AREL1: variants seen among roughly 807,000 people sequenced by gnomAD.
AREL1 encodes apoptosis resistant E3 ubiquitin protein ligase 1, also known as apoptosis-resistant E3 ubiquitin protein ligase 1.
Under a neutral mutation model 99.0 loss-of-function variants are expected in AREL1, and 62 were observed. That is an observed-to-expected ratio of 0.63 (90% CI 0.51 to 0.77). AREL1 has a LOEUF of 0.77. AREL1 is among the 30% of genes least tolerant of loss of function. The pLI, the probability that AREL1 is intolerant of heterozygous loss-of-function variation, is 0.00. For missense variants in AREL1, 879 were observed against 1,027.6 expected (o/e 0.86, Z 1.98); for synonymous variants, 380 against 376.5 (o/e 1.01, Z -0.11).
chr14:74,671,349 G>C, intron 12 of AREL1, 59 bp downstream of exon 12: 1 of 233,804 alleles, frequency 4.3e-6, no homozygotes, highest in Non-Finnish European at 8.6e-6. Context: ...TTTTTTTGTG[G>C]AGAAGGTGCG....
chr14:74,676,444 C>T (rs1271532234), intron 6 of AREL1, 123 bp from the exon 7 acceptor site: 12 of 1,407,474 alleles, frequency 8.5e-6, no homozygotes, highest in Admixed American at 6.4e-5. Flanking sequence ...ACTAATGAGA[C>T]AGGTATTGTC....
intron 2 of AREL1, among the ~76,000 whole-genome samples, chr14:74,686,832 A>G (rs1227927702): frequency 6.6e-6 from 1 of 152,214 alleles, no homozygotes; most frequent in African/African-American, 2.4e-5. Context: ...AGAAATCCAC[A>G]CTGGGAACAT....
At chr14:74,665,265 C>T (rs957557801) in intron 17 of AREL1, among the ~76,000 whole-genome samples, 2 of 148,068 alleles carry the variant, frequency 1.4e-5, no homozygotes, top group Non-Finnish European at 1.5e-5. Context: ...GTATTTCTTT[C>T]TTTTCTTTTT....
chr14:74,667,281 C>T, intron 17 of AREL1, 38 bp downstream of exon 17: 1 of 1,613,124 alleles, frequency 6.2e-7, no homozygotes, highest in African/African-American at 1.3e-5. Flanking sequence ...TACAAAAATG[C>T]CAAGTTAAGA....
chr14:74,677,706 T>C (rs868178582), intron 5 of AREL1, among the ~76,000 whole-genome samples: 8 of 151,640 alleles, frequency 5.3e-5, no homozygotes, highest in Admixed American at 2.0e-4. Context: ...TTTCACCATA[T>C]TGGCCAGGCT....
intron 2 of AREL1, among the ~76,000 whole-genome samples, chr14:74,688,128 C>T (rs1457202591): frequency 6.6e-6 from 1 of 150,888 alleles, no homozygotes; most frequent in Non-Finnish European, 1.5e-5. Context: ...CGGGTTCGCG[C>T]CATTCTCCTG....
intron 1 of AREL1, 146 bp downstream of exon 1, chr14:74,712,787 C>A: frequency 2.8e-6 from 1 of 360,728 alleles, no homozygotes; most frequent in Non-Finnish European, 5.4e-6. Flanking sequence ...GATACCCCAA[C>A]GCTACAGGGT....
At chr14:74,691,441 A>G (rs1188008389) in intron 2 of AREL1, among the ~76,000 whole-genome samples, 1 of 152,004 alleles carries the variant, frequency 6.6e-6, no homozygotes, top group Non-Finnish European at 1.5e-5. Context: ...TATTTGGGGA[A>G]AAAAAGATTT....
intron 2 of AREL1, among the ~76,000 whole-genome samples, chr14:74,689,368 C>T (rs2089819838): frequency 1.3e-5 from 2 of 151,992 alleles, no homozygotes; most frequent in South Asian, 2.1e-4. Flanking sequence ...CTTTTACATA[C>T]AGCTCTGAAA....
chr14:74,661,385 G>A lies in AREL1; in HGVS notation c.*2335C>T, dbSNP rs1458152510. ...TCTGCCAATTTTCCAGAAACATGCT[G>A]ACACTCTCCTAGGTATTCACTCATG... On this transcript the variant is annotated 3_prime_UTR_variant, in exon 20 of 20. Coordinates refer to ENST00000356357, the MANE Select transcript of AREL1 (RefSeq NM_001039479.2). 6.6e-6 allele frequency: 3 copies of A among 455,510 alleles called. No individual in the cohort carries two copies. The Admixed American group carries it at 7.1e-5, about 11-fold the overall frequency. 28.2% of individuals were successfully genotyped at this position (455,510 alleles called of 1,614,324 possible).
At chr14:74,670,282 G>C in intron 13 of AREL1, 156 bp from the exon 14 acceptor site, 1 of 617,438 alleles carries the variant, frequency 1.6e-6, no homozygotes, top group East Asian at 2.9e-5. Flanking sequence ...CCACCACTGA[G>C]TAATTCAAAG....
chr14:74,685,625 T>C lies in AREL1; in HGVS notation c.-10A>G, dbSNP rs532211727. On this transcript the variant is annotated 5_prime_UTR_variant, in exon 3 of 20. Transcript: ENST00000356357. The stretch of plus-strand genomic sequence containing the variant: ...CAATAACGTAAAACATCAGGTCCCG[T>C]CAATGCCAACAGACAGCCGAGGATC... The C allele has an allele frequency of 2.8e-5, 46 of 1,614,130 alleles. 1 individual carries two copies. In the South Asian group the frequency reaches 3.4e-4, roughly 12 times the overall value.
At position 74,676,566 on chromosome 14, in the gene AREL1, GA is replaced by G. The variant is rs745754956; in HGVS notation, c.651+16del. On this transcript the variant is annotated intron_variant, in intron 6 of 19. Transcript: ENST00000356357. ...CAGCTCTCTCTAGCACACAGATAAA[GA>G]AGGGAGACTGCTTACCTCATGAATG... 11 of 1,609,336 alleles carry G rather than the reference GA, an allele frequency of 6.8e-6. No individual in the cohort carries two copies. Among genetic ancestry groups the G allele is most frequent in the Non-Finnish European group, 9.3e-6 (11 of 1,178,080 alleles).
chr14:74,684,931 C>T (rs2089716293), intron 3 of AREL1, among the ~76,000 whole-genome samples: 1 of 152,232 alleles, frequency 6.6e-6, no homozygotes, highest in African/African-American at 2.4e-5. Context: ...CATTGGGATA[C>T]AGCCACACCC....
intron 5 of AREL1, chr14:74,678,270 G>A (rs955166002): frequency 2.2e-6 from 1 of 451,524 alleles, no homozygotes; most frequent in Non-Finnish European, 4.4e-6. Context: ...GCCAAAGCAG[G>A]AAGATTACTT....
chr14:74,674,251 G>C, intron 8 of AREL1, 140 bp from the exon 9 acceptor site: 1 of 658,900 alleles, frequency 1.5e-6, no homozygotes, highest in Non-Finnish European at 2.6e-6. Context: ...AATTTAGTGA[G>C]TACTAAAGTC....
intron 1 of AREL1, among the ~76,000 whole-genome samples, chr14:74,701,284 T>A (rs531471372): frequency 6.6e-6 from 1 of 152,238 alleles, no homozygotes; most frequent in African/African-American, 2.4e-5. Flanking sequence ...TTAGTCCAAT[T>A]TCATGCTGCT....
chr14:74,690,716 G>A (rs1455403827), intron 2 of AREL1, among the ~76,000 whole-genome samples: 1 of 152,220 alleles, frequency 6.6e-6, no homozygotes, highest in Non-Finnish European at 1.5e-5. Flanking sequence ...AGTACTTTGT[G>A]TGTTTTCAAG....
intron 1 of AREL1, among the ~76,000 whole-genome samples, chr14:74,705,324 C>T (rs2090157963): frequency 6.6e-6 from 1 of 152,168 alleles, no homozygotes; most frequent in Admixed American, 6.5e-5. Flanking sequence ...CAGGCGTGAG[C>T]CACCATGCCT....
Sources: allele counts gnomAD v4.1 joint callset (sites outside exome capture counted in the v4.1 genomes callset), GRCh38; gene constraint gnomAD v4.1.1; transcripts MANE v1.5; gene names NCBI Gene and HGNC (gene_info 2026-07-23, HGNC 2026-07-21).